Variants in WDR7 observed in about 807,000 individuals in gnomAD.
WDR7 encodes WD repeat-containing protein 7.
In WDR7, 46 loss-of-function variants were observed where a neutral mutation model predicts 169.4. That is an observed-to-expected ratio of 0.27 (90% confidence interval 0.21 to 0.35). The LOEUF (loss-of-function observed/expected upper bound fraction) is 0.35, where lower values mean the gene tolerates loss of function less well. WDR7 is among the 10% of genes least tolerant of loss of function. WDR7 has a pLI of 1.00. For missense variants in WDR7, 1,534 were observed against 1,859.3 expected, an observed-to-expected ratio of 0.83 and a Z score of 3.22; for synonymous variants, 612 against 666.8, an observed-to-expected ratio of 0.92 and a Z score of 1.27.
At chr18:56,665,348 CTTTA>C (rs1404886254) in intron 1 of WDR7, among the ~76,000 whole-genome samples, 22 of 149,788 alleles carry the variant, frequency 1.5e-4, no homozygotes, top group Non-Finnish European at 3.1e-4. Context: ...ATCTAGGCCA[CTTTA>C]TTTAACTGTA....
chr18:56,724,690 G>A (rs1454561184), intron 13 of WDR7, among the ~76,000 whole-genome samples: 1 of 151,330 alleles, frequency 6.6e-6, no homozygotes, highest in Non-Finnish European at 1.5e-5. Flanking sequence ...TAGGGTACAT[G>A]TGCAAAATGT....
At chr18:56,723,338 T>C (rs902225605) in intron 13 of WDR7, among the ~76,000 whole-genome samples, 11 of 152,164 alleles carry the variant, frequency 7.2e-5, no homozygotes, top group African/African-American at 1.9e-4. Flanking sequence ...TGTGTAGATA[T>C]AGATTTTGCC....
At chr18:56,663,626 C>T (rs1354214197) in intron 1 of WDR7, among the ~76,000 whole-genome samples, 1 of 13,352 alleles carries the variant, frequency 7.5e-5, no homozygotes, top group African/African-American at 9.4e-5. Context: ...ATATACACCA[C>T]ATATATGCAC....
chr18:56,915,807 A>T (rs1009451541), intron 21 of WDR7, among the ~76,000 whole-genome samples: 1 of 152,204 alleles, frequency 6.6e-6, no homozygotes, highest in Non-Finnish European at 1.5e-5. Context: ...TTTAATTTCT[A>T]ATCCTAAAAA....
chr18:56,824,029 A>G (rs972059144), intron 20 of WDR7, among the ~76,000 whole-genome samples: 2 of 152,128 alleles, frequency 1.3e-5, no homozygotes, highest in African/African-American at 4.8e-5. Context: ...TATAGCTCCA[A>G]ATCTAAATAC....
chr18:56,989,626 A>T (rs1426390343), intron 26 of WDR7, among the ~76,000 whole-genome samples: 1 of 152,202 alleles, frequency 6.6e-6, no homozygotes, highest in Non-Finnish European at 1.5e-5. Flanking sequence ...AGACTTTTTT[A>T]GGAAGAATTT....
At chr18:56,792,845 G>C (rs2044515805) in intron 19 of WDR7, among the ~76,000 whole-genome samples, 2 of 151,894 alleles carry the variant, frequency 1.3e-5, no homozygotes, top group African/African-American at 2.4e-5. Context: ...TTAGTAAAGA[G>C]TTAATACAAT....
chr18:57,009,873 C>T (rs1326965128), intron 26 of WDR7: 12 of 985,244 alleles, frequency 1.2e-5, no homozygotes, highest in East Asian at 1.1e-4. Flanking sequence ...GACAAAGGAG[C>T]GGGAACACAT....
chr18:56,976,132 G>A (rs191360391), intron 26 of WDR7, among the ~76,000 whole-genome samples: 207 of 152,260 alleles, frequency 1.4e-3, no homozygotes, highest in African/African-American at 4.5e-3. Context: ...CAGCACAGTC[G>A]ATCAGGGCTT....
At chr18:56,857,656 GTGTGTGTGCA>G (rs1367293380) in intron 20 of WDR7, among the ~76,000 whole-genome samples, 1 of 152,102 alleles carries the variant, frequency 6.6e-6, no homozygotes, top group Non-Finnish European at 1.5e-5. Flanking sequence ...ACACATATAT[GTGTGTGTGCA>G]TGTGTGTACA....
chr18:56,699,143 A>G (rs912680333), intron 12 of WDR7, among the ~76,000 whole-genome samples: 1 of 152,262 alleles, frequency 6.6e-6, no homozygotes, highest in African/African-American at 2.4e-5. Flanking sequence ...GGGGTAATTT[A>G]GCAAATAAAT....
chr18:56,977,468 A>G (rs1253956176), intron 26 of WDR7, among the ~76,000 whole-genome samples: 3 of 152,336 alleles, frequency 2.0e-5, no homozygotes, highest in South Asian at 2.1e-4. Context: ...CTGAGAGGAA[A>G]GGCTGGCCTT....
intron 20 of WDR7, among the ~76,000 whole-genome samples, chr18:56,878,981 G>C (rs2046067697): frequency 6.6e-6 from 1 of 152,104 alleles, no homozygotes; most frequent in Non-Finnish European, 1.5e-5. Flanking sequence ...TGAAAGTAAT[G>C]GCAAATACTG....
intron 19 of WDR7, among the ~76,000 whole-genome samples, chr18:56,809,342 A>G (rs1318988993): frequency 1.3e-5 from 2 of 151,968 alleles, no homozygotes; most frequent in East Asian, 3.9e-4. Flanking sequence ...TAAATAACGC[A>G]ATTTGTGCCA....
In WDR7 at chr18:56,748,591, G is replaced by A. The variant is rs555778506; in HGVS notation, c.1990-7992G>A. The stretch of plus-strand genomic sequence containing the variant: ...TATTTATATCATATTAAATTATAAC[G>A]TAATATGAAACCTTAAAACCTCAGT... On this transcript the variant is annotated intron_variant, in intron 14 of 27. Transcript: ENST00000254442. Among the ~76,000 whole-genome samples, 15 of 151,860 alleles carry A rather than the reference G, an allele frequency of 9.9e-5. 1 individual carries two copies. The highest frequency in any genetic ancestry group is 3.9e-4 in the East Asian group (2 of 5,182).
chr18:56,768,259 A>T (rs12326730), intron 16 of WDR7, among the ~76,000 whole-genome samples: 11,877 of 151,916 alleles, frequency 0.078, 520 homozygotes, highest in Middle Eastern at 0.14. Context: ...GGGTCTTTTT[A>T]AAAAAAAGCA....
At chr18:56,741,284 T>C (rs2043617593) in intron 14 of WDR7, among the ~76,000 whole-genome samples, 1 of 152,206 alleles carries the variant, frequency 6.6e-6, no homozygotes, top group Non-Finnish European at 1.5e-5. Flanking sequence ...GTTTGTCCCA[T>C]TATCTATATT....
At chr18:56,763,161 G>A (rs746833307) in intron 16 of WDR7, among the ~76,000 whole-genome samples, 2 of 151,846 alleles carry the variant, frequency 1.3e-5, no homozygotes, top group Non-Finnish European at 2.9e-5. Flanking sequence ...GGGTTTCACC[G>A]TGTTAGCCAG....
intron 26 of WDR7, among the ~76,000 whole-genome samples, chr18:56,973,558 A>G (rs1025835639): frequency 1.3e-5 from 2 of 152,162 alleles, no homozygotes; most frequent in Non-Finnish European, 2.9e-5. Flanking sequence ...GAAGAGTCCT[A>G]GTACATTGAA....
Sources: allele counts gnomAD v4.1 joint callset (sites outside exome capture counted in the v4.1 genomes callset), GRCh38; gene constraint gnomAD v4.1.1; transcripts MANE v1.5; gene names NCBI Gene and HGNC (gene_info 2026-07-23, HGNC 2026-07-21).